The following CSMD1 variants were observed in gnomAD, a reference collection of about 807,000 sequenced individuals.
CSMD1 encodes the protein CUB and sushi domain-containing protein 1.
Under a neutral mutation model 417.5 loss-of-function variants are expected in CSMD1, and 213 were observed. The ratio of observed to expected loss-of-function variants is 0.51; its 90% confidence interval spans 0.46 to 0.57. The LOEUF (loss-of-function observed/expected upper bound fraction) is 0.57, where lower values mean the gene tolerates loss of function less well. Among genes scored for constraint, CSMD1 ranks in the 20% least tolerant of loss-of-function variants. CSMD1 has a pLI of 0.00. For synonymous variants in CSMD1, 2,862 were observed against 1,736.8 expected, an observed-to-expected ratio of 1.65 and a Z score of -16.11; for missense variants, 6,923 against 4,529.7, an observed-to-expected ratio of 1.53 and a Z score of -15.17.
intron 1 of CSMD1, among the ~76,000 whole-genome samples, chr8:4,980,771 G>A (rs987722330): frequency 4.6e-5 from 7 of 152,038 alleles, no homozygotes; most frequent in Admixed American, 3.9e-4. Context: ...TGAGTGTGGT[G>A]GCATGGGTCT....
chr8:4,840,206 G>A (rs972806641), intron 1 of CSMD1, among the ~76,000 whole-genome samples: 1 of 7,990 alleles, frequency 1.3e-4, no homozygotes, highest in Non-Finnish European at 6.7e-4. Flanking sequence ...CCTGATCATG[G>A]TCTATGAGTC....
chr8:4,816,787 G>T (rs1364383625), intron 1 of CSMD1, among the ~76,000 whole-genome samples: 1 of 152,122 alleles, frequency 6.6e-6, no homozygotes, highest in Non-Finnish European at 1.5e-5. Flanking sequence ...TGAAGGAACA[G>T]GAAAAGATGG....
intron 1 of CSMD1, among the ~76,000 whole-genome samples, chr8:4,920,998 AGAAAG>A (rs1806450101): frequency 1.9e-5 from 1 of 51,768 alleles, no homozygotes; most frequent in Non-Finnish European, 4.0e-5. Flanking sequence ...AAGAAAGAAA[AGAAAG>A]AAAGAAAGAA....
intron 10 of CSMD1, among the ~76,000 whole-genome samples, chr8:3,533,261 C>T (rs1448287555): frequency 1.3e-5 from 2 of 152,184 alleles, no homozygotes; most frequent in African/African-American, 2.4e-5. Flanking sequence ...GATTACATGA[C>T]ATCTACCTCT....
At chr8:3,085,210 T>C (rs1370142673) in intron 49 of CSMD1, among the ~76,000 whole-genome samples, 4 of 152,112 alleles carry the variant, frequency 2.6e-5, no homozygotes, top group Non-Finnish European at 5.9e-5. Context: ...CAGTTTCAAA[T>C]ACATAAAAAT....
At chr8:3,648,755 A>G (rs1282273048) in intron 7 of CSMD1, among the ~76,000 whole-genome samples, 1 of 152,192 alleles carries the variant, frequency 6.6e-6, no homozygotes, top group Non-Finnish European at 1.5e-5. Context: ...CACCTGAGAC[A>G]TAAAGTAAGC....
At chr8:4,517,634 A>G (rs1326986304) in intron 2 of CSMD1, among the ~76,000 whole-genome samples, 1 of 152,244 alleles carries the variant, frequency 6.6e-6, no homozygotes, top group African/African-American at 2.4e-5. Context: ...AACACCTAAG[A>G]GCCACGAAGT....
intron 5 of CSMD1, among the ~76,000 whole-genome samples, chr8:3,811,828 T>G (rs1801106025): frequency 6.6e-6 from 1 of 152,168 alleles, no homozygotes; most frequent in Admixed American, 6.5e-5. Context: ...TTAAGGGTGT[T>G]CATCTCCATT....
chr8:4,225,318 G>A (rs538482982), intron 3 of CSMD1, among the ~76,000 whole-genome samples: 2 of 151,676 alleles, frequency 1.3e-5, no homozygotes, highest in Non-Finnish European at 2.9e-5. Flanking sequence ...CTGAATCATC[G>A]AGACTTGATG....
chr8:3,757,795 G>A (rs1193662601), intron 5 of CSMD1, among the ~76,000 whole-genome samples: 1 of 151,876 alleles, frequency 6.6e-6, no homozygotes, highest in East Asian at 1.9e-4. Flanking sequence ...GTTGCAGTGA[G>A]TTGAGATCAC....
Position 4,285,835 on chromosome 8 carries a change from G to T in CSMD1, c.415+134118C>A, listed in dbSNP as rs79791702. Reference sequence around the variant, plus strand: ...TTTCACAGAAGATCATGTGTCCTTGGCTATTTTAATCAGGAACAAAATCTA... The same window carrying T: ...TTTCACAGAAGATCATGTGTCCTTGTCTATTTTAATCAGGAACAAAATCTA... On this transcript the variant is annotated intron_variant, in intron 3 of 69. Transcript: ENST00000635120. Among the ~76,000 whole-genome samples, 63 of 152,248 alleles carry T rather than the reference G, an allele frequency of 4.1e-4. No homozygotes were observed. In the East Asian group the frequency reaches 0.012, roughly 29 times the overall value.
intron 2 of CSMD1, among the ~76,000 whole-genome samples, chr8:4,426,202 G>A (rs573618241): frequency 6.6e-6 from 1 of 151,804 alleles, no homozygotes; most frequent in Non-Finnish European, 1.5e-5. Flanking sequence ...TGTGAATTAA[G>A]AAGCCTTTTA....
At chr8:3,525,188 C>G (rs938185810) in intron 10 of CSMD1, among the ~76,000 whole-genome samples, 1 of 152,126 alleles carries the variant, frequency 6.6e-6, no homozygotes, top group African/African-American at 2.4e-5. Flanking sequence ...CTGTGTGAGA[C>G]TCAGCCGTCA....
At chr8:4,130,565 C>T (rs1488896889) in intron 3 of CSMD1, among the ~76,000 whole-genome samples, 2 of 152,020 alleles carry the variant, frequency 1.3e-5, no homozygotes, top group African/African-American at 4.8e-5. Flanking sequence ...AATCAATTAC[C>T]ACTGACCTTA....
intron 3 of CSMD1, among the ~76,000 whole-genome samples, chr8:4,201,890 G>T (rs1284583647): frequency 1.3e-5 from 2 of 148,210 alleles, no homozygotes; most frequent in South Asian, 2.2e-4. Context: ...GAAATTTTGG[G>T]GGGGGGGGGC....
At chr8:4,078,767 G>A (rs1328758846) in intron 3 of CSMD1, among the ~76,000 whole-genome samples, 3 of 150,338 alleles carry the variant, frequency 2.0e-5, no homozygotes, top group African/African-American at 4.9e-5. Context: ...CTGGCACACT[G>A]GCTTACACCT....
In CSMD1 at chr8:3,981,607, A is replaced by G. The variant is rs150736586; in HGVS notation, c.818+16296T>C. The stretch of plus-strand genomic sequence containing the variant: ...ATAATTTTTCCTTTAAATTGTATCA[A>G]TTAGAGCAGTATTGTTCCCTTTGAG... On this transcript the variant is annotated intron_variant, in intron 5 of 69. Coordinates refer to ENST00000635120, the MANE Select transcript of CSMD1 (RefSeq NM_033225.6). 3.5e-3 allele frequency among the ~76,000 whole-genome samples: 529 copies of G among 151,456 alleles called. 1 individual carries two copies. Among genetic ancestry groups the G allele is most frequent in the African/African-American group, 0.011 (473 of 41,286 alleles).
At chr8:2,992,089 C>A (rs575678615) in intron 54 of CSMD1, among the ~76,000 whole-genome samples, 29 of 152,242 alleles carry the variant, frequency 1.9e-4, no homozygotes, top group African/African-American at 6.3e-4. Flanking sequence ...TAATTACATT[C>A]ACATGATTTA....
rs541003457 is a variant in CSMD1 at position 3,292,501 on chromosome 8, C to T, written c.3951-8155G>A. Among the ~76,000 whole-genome samples the T allele has an allele frequency of 2.8e-4, 43 of 152,322 alleles. 1 individual carries two copies. The South Asian group carries it at 8.5e-3, about 30-fold the overall frequency. The stretch of plus-strand genomic sequence containing the variant: ...GTGTCTAAGGACTTGCTTCAAGAAT[C>T]TGCGTGCTCCTGTATTGGGTACATA... On this transcript the variant is annotated intron_variant, in intron 25 of 69. Coordinates refer to ENST00000635120, the MANE Select transcript of CSMD1 (RefSeq NM_033225.6).
Sources: allele counts gnomAD v4.1 joint callset (sites outside exome capture counted in the v4.1 genomes callset), GRCh38; gene constraint gnomAD v4.1.1; transcripts MANE v1.5; gene names NCBI Gene and HGNC (gene_info 2026-07-23, HGNC 2026-07-21).